Variants in RASSF6 observed in about 807,000 individuals in gnomAD.
RASSF6 encodes Ras association domain family member 6.
RASSF6 carries 52 observed loss-of-function variants against 44.0 expected under a neutral mutation model. The observed-to-expected ratio is 1.18, with a 90% CI of 0.95 to 1.49. The LOEUF (loss-of-function observed/expected upper bound fraction) is 1.49. Among genes scored for constraint, RASSF6 ranks in the 40% most tolerant of loss-of-function variants. The pLI is 0.00. For synonymous variants in RASSF6, 162 were observed against 124.6 expected (o/e 1.30, Z -2.00); for missense variants, 464 against 393.3 (o/e 1.18, Z -1.52).
intron 2 of RASSF6, among the ~76,000 whole-genome samples, chr4:73,600,816 C>G (rs553808529): frequency 6.6e-5 from 10 of 152,278 alleles, no homozygotes; most frequent in Non-Finnish European, 1.0e-4. Flanking sequence ...CATGTCTCTT[C>G]TAAATATCAT....
chr4:73,602,895 T>C (rs1725370454), intron 2 of RASSF6, among the ~76,000 whole-genome samples: 1 of 152,108 alleles, frequency 6.6e-6, no homozygotes, highest in African/African-American at 2.4e-5. Flanking sequence ...GAGACCATCC[T>C]GGATAACACG....
chr4:73,579,888 A>C (rs1454665145), intron 8 of RASSF6, among the ~76,000 whole-genome samples: 2 of 151,712 alleles, frequency 1.3e-5, no homozygotes, highest in Non-Finnish European at 2.9e-5. Flanking sequence ...TATTATTATT[A>C]TACTTTAAGT....
At chr4:73,607,861 T>C (rs1401235268) in intron 2 of RASSF6, among the ~76,000 whole-genome samples, 2 of 121,218 alleles carry the variant, frequency 1.6e-5, no homozygotes, top group Non-Finnish European at 3.4e-5. Flanking sequence ...TCCTCTCTAC[T>C]CTTCTTCCTC....
At chr4:73,611,672 G>T in intron 2 of RASSF6, 59 bp downstream of exon 2, 4 of 1,058,896 alleles carry the variant, frequency 3.8e-6, no homozygotes, top group Non-Finnish European at 5.7e-6. Context: ...AAACTTTGAC[G>T]GTATATTCCA....
intron 2 of RASSF6, among the ~76,000 whole-genome samples, chr4:73,610,866 C>A (rs1165229351): frequency 3.9e-5 from 6 of 152,128 alleles, no homozygotes; most frequent in Non-Finnish European, 7.4e-5. Context: ...TGCTCAGGGT[C>A]CAAAAATACA....
chr4:73,620,625 C>G, upstream of RASSF6: 3 of 641,778 alleles, frequency 4.7e-6, no homozygotes, highest in Non-Finnish European at 7.8e-6. Flanking sequence ...ACTCCCTGTG[C>G]CTCAGTGCAT....
At chr4:73,579,639 G>T (rs886443157) in intron 8 of RASSF6, among the ~76,000 whole-genome samples, 4 of 151,686 alleles carry the variant, frequency 2.6e-5, no homozygotes, top group Non-Finnish European at 2.9e-5. Flanking sequence ...ATTGTCTGTT[G>T]TTTTGTTACC....
At chr4:73,609,627 T>G (rs1725872383) in intron 2 of RASSF6, among the ~76,000 whole-genome samples, 1 of 152,248 alleles carries the variant, frequency 6.6e-6, no homozygotes, top group Non-Finnish European at 1.5e-5. Flanking sequence ...CATGTAGTTC[T>G]GTGCAGGAAA....
chr4:73,618,979 A>C lies in RASSF6; in HGVS notation c.-35+1309T>G, dbSNP rs371036505. Reference sequence around the variant, plus strand: ...AGCCACTTTCCTGTAATTTAAGCTTAAGAGGTAGAGACTGACAAAATACAA... The same window carrying C: ...AGCCACTTTCCTGTAATTTAAGCTTCAGAGGTAGAGACTGACAAAATACAA... On this transcript the variant is annotated intron_variant, in intron 1 of 10. Transcript: ENST00000307439. Among the ~76,000 whole-genome samples, 14 of 152,318 alleles carry C rather than the reference A, an allele frequency of 9.2e-5. 1 individual carries two copies. Among genetic ancestry groups the C allele is most frequent in the African/African-American group, 3.4e-4 (14 of 41,586 alleles).
rs181389873 is a variant in RASSF6 at position 73,606,497 on chromosome 4, G to A, written c.65+5234C>T. ...GACTACTGGGATGATGGGTTCATCC[G>A]TACTCCAAACCTCAGCATCATGCAA... On this transcript the variant is annotated intron_variant, in intron 2 of 10. Transcript: ENST00000307439. Among the ~76,000 whole-genome samples, 91 of 152,238 alleles carry A rather than the reference G, an allele frequency of 6.0e-4. 3 individuals are homozygous for A. The highest frequency in any genetic ancestry group is 5.9e-3 in the Admixed American group (90 of 15,298).
At chr4:73,581,379 A>C (rs1485519096) in intron 8 of RASSF6, among the ~76,000 whole-genome samples, 1 of 152,164 alleles carries the variant, frequency 6.6e-6, no homozygotes, top group Non-Finnish European at 1.5e-5. Flanking sequence ...ACTGAGGAAG[A>C]GATAGCACTC....
At chr4:73,598,282 A>T (rs1015374267) in intron 3 of RASSF6, among the ~76,000 whole-genome samples, 2 of 152,190 alleles carry the variant, frequency 1.3e-5, no homozygotes, top group Admixed American at 1.3e-4. Context: ...TATTTGAATA[A>T]TCCCTAATTG....
chr4:73,616,239 A>G (rs1726351399), intron 1 of RASSF6, among the ~76,000 whole-genome samples: 1 of 151,982 alleles, frequency 6.6e-6, no homozygotes. Context: ...CTATCTATCT[A>G]TCTATCTATC....
intron 1 of RASSF6, among the ~76,000 whole-genome samples, chr4:73,612,791 T>C (rs1187820541): frequency 6.6e-6 from 1 of 152,194 alleles, no homozygotes; most frequent in Non-Finnish European, 1.5e-5. Flanking sequence ...CCATCACCTA[T>C]TTGGTCACAA....
chr4:73,616,221 A>ATC (rs1460400376), intron 1 of RASSF6, among the ~76,000 whole-genome samples: 17 of 149,022 alleles, frequency 1.1e-4, no homozygotes, highest in Middle Eastern at 3.5e-3. Flanking sequence ...ACATATATCT[A>ATC]TATCTATCTA....
intron 1 of RASSF6, among the ~76,000 whole-genome samples, chr4:73,613,654 T>C (rs569698453): frequency 1.3e-5 from 2 of 152,136 alleles, no homozygotes; most frequent in Non-Finnish European, 2.9e-5. Flanking sequence ...AAGAGTTCAC[T>C]TCTCTCCTCA....
At chr4:73,586,077 G>A (rs1280555249) in intron 5 of RASSF6, among the ~76,000 whole-genome samples, 1 of 143,066 alleles carries the variant, frequency 7.0e-6, no homozygotes, top group African/African-American at 2.6e-5. Flanking sequence ...ACTACAGAAA[G>A]CTCTTTGAGA....
rs765909580 is a variant in RASSF6, at chr4:73,576,418, T to C, written c.930A>G (p.Ile310Met). The change falls in exon 10 of 11, where the codon ATA becomes ATG. Residue 310 changes from isoleucine to methionine, a missense_variant. By Grantham distance (10) the Ile-to-Met change is conservative. Transcript: ENST00000307439. ...GCATGCTCTTGACTTACTTTGTTAC[T>C]ATTCTTTGAATCTCTCTTTTCTCTT... Reference protein sequence around the residue: ...NEEEKREIQRIVTKFNKEKAI... With the variant: ...NEEEKREIQRMVTKFNKEKAI... 1 of 1,559,896 alleles carries C rather than the reference T, an allele frequency of 6.4e-7. No individual in the cohort carries two copies. The highest frequency in any genetic ancestry group is 8.8e-7 in the Non-Finnish European group (1 of 1,142,504).
intron 8 of RASSF6, among the ~76,000 whole-genome samples, chr4:73,577,289 GA>G (rs1723298879): frequency 6.6e-6 from 1 of 152,056 alleles, no homozygotes; most frequent in Non-Finnish European, 1.5e-5. Context: ...GATAGAGAAA[GA>G]AAATATCTTC....
Sources: gnomAD v4.1 joint callset for allele counts (sites outside exome capture counted in the v4.1 genomes callset) on GRCh38, gnomAD v4.1.1 for gene constraint, MANE v1.5 for transcripts, NCBI Gene and HGNC (gene_info 2026-07-23, HGNC 2026-07-21) for gene names.